The following AUTS2 variants were observed in gnomAD, a reference collection of about 807,000 sequenced individuals.
The protein encoded by AUTS2 is activator of transcription and developmental regulator AUTS2.
A neutral mutation model predicts 112.4 loss-of-function variants in AUTS2; 17 were observed. The observed-to-expected ratio is 0.15, with a 90% confidence interval of 0.10 to 0.23. The LOEUF (loss-of-function observed/expected upper bound fraction) is 0.23. Among genes scored for constraint, AUTS2 ranks in the 10% least tolerant of loss-of-function variants. The pLI is 1.00. For synonymous variants in AUTS2, 751 were observed against 702.7 expected (o/e 1.07, Z -1.09); for missense variants, 1,510 against 1,701.6 (o/e 0.89, Z 1.98).
intron 1 of AUTS2, among the ~76,000 whole-genome samples, chr7:69,807,153 A>G (rs951558752): frequency 3.9e-5 from 6 of 152,192 alleles, no homozygotes; most frequent in African/African-American, 1.4e-4. Flanking sequence ...AGATGAGCAC[A>G]ATCTAATTTT....
chr7:70,108,090 TG>T (rs1312536432), intron 2 of AUTS2, among the ~76,000 whole-genome samples: 1 of 152,048 alleles, frequency 6.6e-6, no homozygotes, highest in African/African-American at 2.4e-5. Flanking sequence ...TGGCCTTTCA[TG>T]GGATAGTCAC....
intron 4 of AUTS2, among the ~76,000 whole-genome samples, chr7:70,226,146 T>C (rs1265731288): frequency 2.6e-5 from 4 of 152,134 alleles, no homozygotes; most frequent in Admixed American, 2.6e-4. Context: ...GATTATAAGC[T>C]ATTGTTCAAC....
At chr7:70,705,840 T>C (rs1809708494) in intron 6 of AUTS2, among the ~76,000 whole-genome samples, 1 of 152,184 alleles carries the variant, frequency 6.6e-6, no homozygotes, top group East Asian at 1.9e-4. Context: ...AGCCCTTGGA[T>C]AGGAGTGGAA....
intron 5 of AUTS2, among the ~76,000 whole-genome samples, chr7:70,599,821 C>A (rs1803382429): frequency 6.6e-6 from 1 of 152,172 alleles, no homozygotes; most frequent in Non-Finnish European, 1.5e-5. Context: ...GCAGGGATGG[C>A]CAGGCCTTTC....
At chr7:70,118,036 C>T in intron 2 of AUTS2, 96 bp from the exon 3 acceptor site, 1 of 1,386,536 alleles carries the variant, frequency 7.2e-7, no homozygotes, top group Non-Finnish European at 9.4e-7. Flanking sequence ...GCGTGAGCCA[C>T]CGTGCCTGGC....
intron 2 of AUTS2, among the ~76,000 whole-genome samples, chr7:70,057,375 T>G (rs766342787): frequency 7.9e-5 from 12 of 152,186 alleles, no homozygotes; most frequent in Admixed American, 3.3e-4. Flanking sequence ...GGAGCATCAA[T>G]GCCGGCTGAC....
intron 3 of AUTS2, among the ~76,000 whole-genome samples, chr7:70,125,304 G>C (rs1475399878): frequency 2.0e-5 from 3 of 149,730 alleles, no homozygotes; most frequent in Admixed American, 1.3e-4. Context: ...GTTTGCTTTT[G>C]TACTTTCTTG....
chr7:70,303,473 C>CAG (rs1326374119), intron 4 of AUTS2, among the ~76,000 whole-genome samples: 5 of 151,378 alleles, frequency 3.3e-5, no homozygotes, highest in Non-Finnish European at 7.4e-5. Flanking sequence ...CACACACACA[C>CAG]AGTGCTGCTG....
intron 1 of AUTS2, among the ~76,000 whole-genome samples, chr7:69,790,863 C>T (rs896457169): frequency 2.0e-5 from 3 of 152,234 alleles, no homozygotes; most frequent in African/African-American, 7.2e-5. Flanking sequence ...ATTCTTCATG[C>T]TGTGCTGCTG....
chr7:69,669,693 A>T (rs763379195), intron 1 of AUTS2, among the ~76,000 whole-genome samples: 1 of 152,114 alleles, frequency 6.6e-6, no homozygotes, highest in Non-Finnish European at 1.5e-5. Flanking sequence ...TTTTTGAAAG[A>T]TGATTTTTTT....
In AUTS2 at chr7:70,790,166, G is replaced by A; in HGVS notation, c.2950G>A (p.Glu984Lys). The A allele has an allele frequency of 6.2e-7, 1 of 1,612,208 alleles. No individual in the cohort carries two copies. Among genetic ancestry groups the A allele is most frequent in the Non-Finnish European group, 8.5e-7 (1 of 1,179,694 alleles). Residue 984 changes from glutamate to lysine, a missense_variant, in exon 19 of 19, where the codon GAG becomes AAG. This residue lies in a region of AUTS2 where 788 missense variants were observed against 797.6 expected (regional missense o/e 0.99). Coordinates refer to ENST00000342771, the MANE Select transcript of AUTS2 (RefSeq NM_015570.4). This position sits in a 1 kb window ranked among gnomAD's most constrained non-coding sequence, Gnocchi z 7.6. ...GAAGAGCTCCGAGGTCAAGGTGAAGGAGGAGCGGAAGGAAGACCATGACCT... is the reference window on the plus strand; with the variant it reads ...GAAGAGCTCCGAGGTCAAGGTGAAGAAGGAGCGGAAGGAAGACCATGACCT... ...PKKSSEVKVK[E>K]ERKEDHDLPP...
At chr7:70,288,831 AGTG>A (rs1213416005) in intron 4 of AUTS2, among the ~76,000 whole-genome samples, 8 of 152,304 alleles carry the variant, frequency 5.3e-5, no homozygotes, top group East Asian at 3.9e-4. Context: ...CTTCAGCAAA[AGTG>A]GTGTAAATCA....
At chr7:70,298,426 G>T (rs148564019) in intron 4 of AUTS2, among the ~76,000 whole-genome samples, 4,260 of 152,230 alleles carry the variant, frequency 0.028, 91 homozygotes, top group Middle Eastern at 0.12. Context: ...AGTCAGAAGT[G>T]ATTCTGAAAC....
At chr7:70,570,221 C>T (rs1320560774) in intron 5 of AUTS2, among the ~76,000 whole-genome samples, 2 of 152,136 alleles carry the variant, frequency 1.3e-5, no homozygotes, top group African/African-American at 2.4e-5. Flanking sequence ...TTTAAATCCT[C>T]GCTCACTCCT....
intron 1 of AUTS2, among the ~76,000 whole-genome samples, chr7:69,676,512 G>A (rs550372536): frequency 1.3e-5 from 2 of 152,338 alleles, no homozygotes; most frequent in South Asian, 2.1e-4. Context: ...TGGTCTGGGG[G>A]AAGATAAAGA....
At chr7:70,774,537 GT>G (rs779770386) in intron 12 of AUTS2, among the ~76,000 whole-genome samples, 97 of 152,174 alleles carry the variant, frequency 6.4e-4, no homozygotes, top group Non-Finnish European at 1.3e-3. Flanking sequence ...GGAAGTTATT[GT>G]ACTGCACGGC....
chr7:70,653,379 C>G (rs1349727858), intron 5 of AUTS2, among the ~76,000 whole-genome samples: 1 of 152,204 alleles, frequency 6.6e-6, no homozygotes, highest in East Asian at 1.9e-4. Flanking sequence ...AATCCTAATT[C>G]TAATACTTAA....
At chr7:70,028,811 T>C (rs942654308) in intron 2 of AUTS2, among the ~76,000 whole-genome samples, 3 of 152,202 alleles carry the variant, frequency 2.0e-5, no homozygotes, top group Non-Finnish European at 4.4e-5. Flanking sequence ...CCCTTTCACA[T>C]GAAATACTTA....
chr7:69,782,568 G>T (rs1789188618), intron 1 of AUTS2, among the ~76,000 whole-genome samples: 1 of 151,790 alleles, frequency 6.6e-6, no homozygotes. Flanking sequence ...CTTTTTCCCA[G>T]CTGGTTCCTG....
Sources: gnomAD v4.1 joint callset for allele counts (sites outside exome capture counted in the v4.1 genomes callset) on GRCh38, gnomAD v4.1.1 for gene constraint, gnomAD v4.1.1 regional missense constraint, Gnocchi (gnomAD v3.1) non-coding constraint, MANE v1.5 for transcripts, NCBI Gene and HGNC (gene_info 2026-07-23, HGNC 2026-07-21) for gene names.